The following PNMA6F variants were observed in gnomAD, a reference collection of about 807,000 sequenced individuals.
PNMA6F encodes the protein PNMA family member 6F, also known as paraneoplastic antigen Ma6F.
For synonymous variants in PNMA6F, 14 were observed against 3.4 expected (o/e 4.15, Z -3.45); for missense variants, 57 against 10.8 (o/e 5.25, Z -5.98).
chrX:153,321,111 G>T (rs1012782900), intron 1 of PNMA6F: 1 of 106,875 alleles, frequency 9.4e-6, no homozygotes, highest in Admixed American at 9.9e-5. Context: ...CCTGCGGCCA[G>T]TAGTCTTCCC....
rs1477988152 is a variant in PNMA6F at position 153,320,502 on chromosome X, G to A, written c.173C>T (p.Ala58Val). The A allele has an allele frequency of 3.4e-6, 1 of 295,337 alleles. No homozygotes were observed. The highest frequency in any genetic ancestry group is 5.9e-6 in the Non-Finnish European group (1 of 170,022). 24.3% of individuals were successfully genotyped at this position (295,337 alleles called of 1,213,427 possible). A position where few individuals can be genotyped will look rare whatever the true frequency, so the allele number is the denominator to read the frequency against. Residue 58 changes from alanine to valine, a missense_variant, in exon 2 of 2, where the codon GCC (alanine) becomes GTC (valine). Coordinates refer to ENST00000436629, the MANE Select transcript of PNMA6F (RefSeq NM_001354980.2). ...LIKVFRKELG[A>V]RAALVEFAEG... ...AGCGAATTCCACCAAGGCTGCCCTG[G>A]CCCCGAGCTCCTTTCTGAAGACCTT...
At chrX:153,321,090 C>T (rs1003218606) in intron 1 of PNMA6F, 4 of 108,554 alleles carry the variant, frequency 3.7e-5, no homozygotes, top group Non-Finnish European at 5.8e-5. Context: ...GCTCTTCCCC[C>T]ACCCAGAATC....
Position 153,320,225 on chromosome X carries a change from A to C in PNMA6F, c.450T>G (p.Gly150=). Residue 150 remains glycine, a synonymous_variant, in exon 2 of 2, where the codon GGT becomes GGG. Transcript: ENST00000436629. Reference sequence around the variant, plus strand: ...CTGCCTCACCTACACCTCCTGCCTCACCTATACCTCCTGCCTCATCTTCAC... The same window carrying C: ...CTGCCTCACCTACACCTCCTGCCTCCCCTATACCTCCTGCCTCATCTTCAC... ...SAGEDEAGGI[G]EAGGVGEAGA... 3.0e-6 allele frequency: 1 copy of C among 328,071 alleles called. No individual in the cohort carries two copies. The highest frequency in any genetic ancestry group is 5.2e-6 in the Non-Finnish European group (1 of 192,572). 27.0% of individuals were successfully genotyped at this position (328,071 alleles called of 1,213,427 possible). A position where few individuals can be genotyped will look rare whatever the true frequency, so the allele number is the denominator to read the frequency against.
At position 153,319,500 on chromosome X, in the gene PNMA6F, C is replaced by T. The variant is rs782589244; in HGVS notation, c.1175G>A (p.Arg392His). 10 of 297,066 alleles carry T rather than the reference C, an allele frequency of 3.4e-5. 1 individual carries two copies. The South Asian group carries it at 1.4e-3, about 42-fold the overall frequency. 24.5% of individuals were successfully genotyped at this position (297,066 alleles called of 1,213,427 possible). ...GGTATCCTGGAGTGCCTCGCTGGGG[C>T]GGGCCCGAGACAGCACCTGCCGCAG... ...LRLRQVLSRA[R>H]PSEALQDTLR... The change falls in exon 2 of 2, where the codon CGC (arginine) becomes CAC (histidine). Residue 392 changes from arginine (R) to histidine (H), a missense_variant. Physicochemically the swap from Arg to His is conservative, Grantham distance 29 (BLOSUM62 0). Coordinates refer to ENST00000436629, the MANE Select transcript of PNMA6F (RefSeq NM_001354980.2).
In PNMA6F at chrX:153,317,928, T is replaced by C. The variant is rs1403113882; in HGVS notation, c.*1010A>G. 4 of 111,806 alleles carry C rather than the reference T, an allele frequency of 3.6e-5. No individual in the cohort carries two copies. The highest frequency in any genetic ancestry group is 4.1e-5 in the Non-Finnish European group (2 of 49,251). The allele number at this position is 111,806 out of a possible 1,213,427, so 9.2% of individuals were successfully genotyped here. On this transcript the variant is annotated 3_prime_UTR_variant, in exon 2 of 2. Transcript: ENST00000436629. ...CGCCTCTTGCCAGGATGGTGGACTC[T>C]GGCAGTGTCCACTGGCTTCAGGGAG...
chrX:153,319,158 G>A lies in PNMA6F; in HGVS notation c.1517C>T (p.Ser506Phe), dbSNP rs955670989. 6.7e-6 allele frequency: 2 copies of A among 297,814 alleles called. No homozygotes were observed. Among genetic ancestry groups the A allele is most frequent in the East Asian group, 9.5e-5 (2 of 21,012 alleles). The allele number at this position is 297,814 out of a possible 1,213,427, so 24.5% of individuals were successfully genotyped here. A position where few individuals can be genotyped will look rare whatever the true frequency, so the allele number is the denominator to read the frequency against. Residue 506 changes from serine (S) to phenylalanine (F), a missense_variant, in exon 2 of 2, where the codon TCC becomes TTC. Coordinates refer to ENST00000436629, the MANE Select transcript of PNMA6F (RefSeq NM_001354980.2). Reference sequence around the variant, plus strand: ...TGGGAGGCCCCCAGGGGCGTCGGGGGACCTTCCCTGACCTAGGCCTTCAAG... The same window carrying A: ...TGGGAGGCCCCCAGGGGCGTCGGGGAACCTTCCCTGACCTAGGCCTTCAAG... Reference protein sequence around the residue: ...AGLEGLGQGRSPDAPGGLPAR... With the variant: ...AGLEGLGQGRFPDAPGGLPAR...
rs367643840 is a variant in PNMA6F, at chrX:153,318,951, G to A, written c.1724C>T (p.Pro575Leu). 2.1e-4 allele frequency: 62 copies of A among 299,301 alleles called. No individual in the cohort carries two copies. The South Asian group carries it at 9.4e-3, about 46-fold the overall frequency. The allele number at this position is 299,301 out of a possible 1,213,427, so 24.7% of individuals were successfully genotyped here. The change falls in exon 2 of 2, where the codon CCC becomes CTC. Residue 575 changes from proline (P) to leucine (L), a missense_variant. Coordinates refer to ENST00000436629, the MANE Select transcript of PNMA6F (RefSeq NM_001354980.2). ...GGCCCTCAGAGCCTATTTGCCCGGGGGGGACTTGGGCTTGCCCGCCTCCCC... is the reference window on the plus strand; with the variant it reads ...GGCCCTCAGAGCCTATTTGCCCGGGAGGGACTTGGGCTTGCCCGCCTCCCC... ...GAGEAGKPKS[P>L]PGK is the part of the protein sequence containing the mutation.
In PNMA6F at chrX:153,319,405, C is replaced by T. The variant is rs1556958619; in HGVS notation, c.1270G>A (p.Glu424Lys). Reference sequence around the variant, plus strand: ...CTTGCTAGGGAGGCTGCCCACGCCTCCATGTCCCGGATGAGCCGCAGCAGC... The same window carrying T: ...CTTGCTAGGGAGGCTGCCCACGCCTTCATGTCCCGGATGAGCCGCAGCAGC... ...LRLLRLIRDM[E>K]AWAASLARSQ... is the part of the protein sequence containing the mutation. The change falls in exon 2 of 2, where the codon GAG becomes AAG. Residue 424 changes from glutamate (E) to lysine (K), a missense_variant. Transcript: ENST00000436629. 6.7e-6 allele frequency: 2 copies of T among 297,159 alleles called. No homozygotes were observed. The highest frequency in any genetic ancestry group is 2.7e-5 in the African/African-American group (1 of 36,795). 24.5% of individuals were successfully genotyped at this position (297,159 alleles called of 1,213,427 possible).
Position 153,320,305 on chromosome X carries a change from C to T in PNMA6F, c.370G>A (p.Gly124Ser), listed in dbSNP as rs1821056229. 1 of 317,785 alleles carries T rather than the reference C, an allele frequency of 3.1e-6. No homozygotes were observed. The allele number at this position is 317,785 out of a possible 1,213,427, so 26.2% of individuals were successfully genotyped here. A position where few individuals can be genotyped will look rare whatever the true frequency, so the allele number is the denominator to read the frequency against. Reference protein sequence around the residue: ...ARGAGEAGAAGEAGSVGEAGG... With the variant: ...ARGAGEAGAASEAGSVGEAGG... Reference sequence around the variant, plus strand: ...GCCTCACCTACAGATCCTGCCTCACCTGCAGCTCCTGCTTCACCTGCACCT... The same window carrying T: ...GCCTCACCTACAGATCCTGCCTCACTTGCAGCTCCTGCTTCACCTGCACCT... Residue 124 changes from glycine to serine, a missense_variant, in exon 2 of 2, where the codon GGT becomes AGT. By Grantham distance (56) the Gly-to-Ser change is moderately conservative. Transcript: ENST00000436629.
In PNMA6F at chrX:153,319,703, C is replaced by T. The variant is rs1258504741; in HGVS notation, c.972G>A (p.Thr324=). 1.7e-5 allele frequency: 5 copies of T among 297,450 alleles called. No homozygotes were observed. The highest frequency in any genetic ancestry group is 1.7e-3 in the Middle Eastern group (2 of 1,158). 24.5% of individuals were successfully genotyped at this position (297,450 alleles called of 1,213,427 possible). Residue 324 remains threonine, a synonymous_variant, in exon 2 of 2, where the codon ACG becomes ACA. Coordinates refer to ENST00000436629, the MANE Select transcript of PNMA6F (RefSeq NM_001354980.2). ...DPDFSAQDCL[T]ALGQVFRSRD... ...GGCTCCTAAACACCTGCCCCAGCGC[C>T]GTCAGGCAGTCCTGCGCAGAGAAGT...
intron 1 of PNMA6F, chrX:153,321,090 C>G (rs1003218606): frequency 9.2e-6 from 1 of 108,554 alleles, no homozygotes; most frequent in Non-Finnish European, 1.9e-5. Flanking sequence ...GCTCTTCCCC[C>G]ACCCAGAATC....
At position 153,320,388 on chromosome X, in the gene PNMA6F, G is replaced by A; in HGVS notation, c.287C>T (p.Ala96Val). 1 of 298,823 alleles carries A rather than the reference G, an allele frequency of 3.3e-6. No homozygotes were observed. 24.6% of individuals were successfully genotyped at this position (298,823 alleles called of 1,213,427 possible). The change falls in exon 2 of 2, where the codon GCT (alanine) becomes GTT (valine). Residue 96 changes from alanine to valine, a missense_variant. Transcript: ENST00000436629. ...KVISLPQALD[A>V]EFQDIPSFPA... The stretch of plus-strand genomic sequence containing the variant: ...GAAACTGGGTATATCCTGAAACTCA[G>A]CATCAAGGGCCTGGGGCAGGGAGAT...
At position 153,319,432 on chromosome X, in the gene PNMA6F, T is replaced by G. The variant is rs1327655102; in HGVS notation, c.1243A>C (p.Arg415=). 1.7e-5 allele frequency: 5 copies of G among 296,975 alleles called. No homozygotes were observed. Among genetic ancestry groups the G allele is most frequent in the African/African-American group, 8.2e-5 (3 of 36,734 alleles). 24.5% of individuals were successfully genotyped at this position (296,975 alleles called of 1,213,427 possible). A position where few individuals can be genotyped will look rare whatever the true frequency, so the allele number is the denominator to read the frequency against. ...ATGTCCCGGATGAGCCGCAGCAGCC[T>G]CAGGAAGTCAGGTGGCCTCCTCTCC... ...QLERRPPDFL[R]LLRLIRDMEA... is the part of the protein sequence containing the mutation. Residue 415 remains arginine, a synonymous_variant, in exon 2 of 2, where the codon AGG becomes CGG. Coordinates refer to ENST00000436629, the MANE Select transcript of PNMA6F (RefSeq NM_001354980.2).
rs2051972273 is a variant in PNMA6F, at chrX:153,318,536, G to GT, written c.*401_*402insA. Reference sequence around the variant, plus strand: ...GTGAGTGGGCGTCTGCTGTTCGGACGCGTGGGTCACTATGGGGCCTACAGA... The same window carrying GT: ...GTGAGTGGGCGTCTGCTGTTCGGACGTCGTGGGTCACTATGGGGCCTACAGA... On this transcript the variant is annotated 3_prime_UTR_variant, in exon 2 of 2. Coordinates refer to ENST00000436629, the MANE Select transcript of PNMA6F (RefSeq NM_001354980.2). 8.0e-6 allele frequency: 1 copy of GT among 124,588 alleles called. No homozygotes were observed. The highest frequency in any genetic ancestry group is 1.6e-5 in the Non-Finnish European group (1 of 61,250). The allele number at this position is 124,588 out of a possible 1,213,427, so 10.3% of individuals were successfully genotyped here.
chrX:153,319,307 C>T lies in PNMA6F; in HGVS notation c.1368G>A (p.Pro456=), dbSNP rs66739507. 0.087 allele frequency: 25,730 copies of T among 296,837 alleles called. 1,734 individuals carry two copies. Among genetic ancestry groups the T allele is most frequent in the African/African-American group, 0.27 (9,940 of 36,666 alleles). 24.5% of individuals were successfully genotyped at this position (296,837 alleles called of 1,213,427 possible). A position where few individuals can be genotyped will look rare whatever the true frequency, so the allele number is the denominator to read the frequency against. The change falls in exon 2 of 2, where the codon CCG becomes CCA. Residue 456 remains proline (P), a synonymous_variant. Transcript: ENST00000436629. The part of the protein sequence containing the change: ...SEDPAAAQAS[P]AQGDASEADP... ...CAGCCTCGCTGGCGTCCCCCTGGGC[C>T]GGGGAGGCCTGGGCAGCAGCTGGGT...
At position 153,320,479 on chromosome X, in the gene PNMA6F, C is replaced by G. The variant is rs1428147942; in HGVS notation, c.196G>C (p.Ala66Pro). 6.8e-6 allele frequency: 2 copies of G among 295,637 alleles called. No individual in the cohort carries two copies. The highest frequency in any genetic ancestry group is 5.5e-5 in the African/African-American group (2 of 36,157). The allele number at this position is 295,637 out of a possible 1,213,427, so 24.4% of individuals were successfully genotyped here. Reference sequence around the variant, plus strand: ...ATCAAGCTTTGGTTTAAACCCTCAGCGAATTCCACCAAGGCTGCCCTGGCC... The same window carrying G: ...ATCAAGCTTTGGTTTAAACCCTCAGGGAATTCCACCAAGGCTGCCCTGGCC... ...LGARAALVEF[A>P]EGLNQSLIPR... The change falls in exon 2 of 2, where the codon GCT becomes CCT. Residue 66 changes from alanine (A) to proline (P), a missense_variant. Transcript: ENST00000436629.
At chrX:153,321,247 T>TTGATCTTCCTCTTA (rs1164689535) in intron 1 of PNMA6F, 3 of 95,362 alleles carry the variant, frequency 3.1e-5, no homozygotes, top group Non-Finnish European at 6.3e-5. Context: ...TCTTCCTCTT[T>TTGATCTTCCTCTTA]TGATCTTCCG....
Position 153,318,620 on chromosome X carries a change from C to T in PNMA6F, c.*318G>A, listed in dbSNP as rs2051972941. The T allele has an allele frequency of 5.6e-6, 1 of 177,171 alleles. No homozygotes were observed. The highest frequency in any genetic ancestry group is 2.9e-5 in the African/African-American group (1 of 34,072). The allele number at this position is 177,171 out of a possible 1,213,427, so 14.6% of individuals were successfully genotyped here. A position where few individuals can be genotyped will look rare whatever the true frequency, so the allele number is the denominator to read the frequency against. On this transcript the variant is annotated 3_prime_UTR_variant, in exon 2 of 2. Transcript: ENST00000436629. ...CTGCCCCAGGGATGGCAAGTGGGGG[C>T]CACCTCTTGGGACATGTAGGCAGCT... is the stretch of plus-strand genomic sequence containing the variant.
In PNMA6F at chrX:153,321,587, G is replaced by A. The variant is rs1017686815; in HGVS notation, c.-119C>T. On this transcript the variant is annotated 5_prime_UTR_variant, in exon 1 of 2. Transcript: ENST00000436629. Reference sequence around the variant, plus strand: ...TCTGCGGACGCTGCGACCACCCGCGGAAAAACGCCGCCTTCAAGCTGTGGA... The same window carrying A: ...TCTGCGGACGCTGCGACCACCCGCGAAAAAACGCCGCCTTCAAGCTGTGGA... The A allele has an allele frequency of 9.4e-6, 1 of 106,591 alleles. No homozygotes were observed. Among genetic ancestry groups the A allele is most frequent in the Admixed American group, 1.0e-4 (1 of 10,025 alleles). The allele number at this position is 106,591 out of a possible 1,213,427, so 8.8% of individuals were successfully genotyped here.
Sources: gnomAD v4.1 joint callset for allele counts on GRCh38, gnomAD v4.1.1 for gene constraint, MANE v1.5 for transcripts, NCBI Gene and HGNC (gene_info 2026-07-23, HGNC 2026-07-21) for gene names.